Variants in TACC2 observed in about 807,000 individuals in gnomAD.
The protein encoded by TACC2 is transforming acidic coiled-coil-containing protein 2.
A neutral mutation model predicts 227.3 loss-of-function variants in TACC2; 137 were observed. The ratio of observed to expected loss-of-function variants is 0.60; its 90% CI spans 0.52 to 0.69. The LOEUF is 0.69. Ranked by LOEUF, TACC2 falls within the 30% of genes least tolerant of loss-of-function variation. TACC2 has a pLI of 0.00. For missense variants in TACC2, 3,470 were observed against 3,694.4 expected (o/e 0.94, Z 1.57); for synonymous variants, 1,523 against 1,487.5 (o/e 1.02, Z -0.55).
At chr10:122,126,269 A>G (rs1352862405) in intron 5 of TACC2, among the ~76,000 whole-genome samples, 3 of 150,082 alleles carry the variant, frequency 2.0e-5, no homozygotes, top group Non-Finnish European at 4.4e-5. Context: ...TTAGGTCTAA[A>G]TGGATTCATA....
Position 122,086,754 on chromosome 10 carries a change from G to A in TACC2, c.4254G>A (p.Lys1418=). The A allele has an allele frequency of 1.2e-6, 2 of 1,613,982 alleles. No homozygotes were observed. The highest frequency in any genetic ancestry group is 1.7e-6 in the Non-Finnish European group (2 of 1,179,992). The change falls in exon 4 of 23, where the codon AAG becomes AAA. Residue 1418 remains lysine (K), a synonymous_variant. Coordinates refer to ENST00000369005, the MANE Select transcript of TACC2 (RefSeq NM_206862.4). ...FREHIAKIFE[K]PVLGALATPG... is the part of the protein sequence containing the mutation. Reference sequence around the variant, plus strand: ...AGCACATCGCCAAGATCTTCGAGAAGCCTGTGCTCGGAGCCCTGGCCACAC... The same window carrying A: ...AGCACATCGCCAAGATCTTCGAGAAACCTGTGCTCGGAGCCCTGGCCACAC...
In TACC2 at chr10:122,210,305, C is replaced by G; in HGVS notation, c.5972-92C>G. On this transcript the variant is annotated intron_variant, in intron 8 of 22. Coordinates refer to ENST00000369005, the MANE Select transcript of TACC2 (RefSeq NM_206862.4). This position sits in a 1 kb window ranked among gnomAD's most constrained non-coding sequence, Gnocchi z 4.6. The stretch of plus-strand genomic sequence containing the variant: ...GGCCTGGGGCCGTGGTTTGTCAACC[C>G]CTACGCTGGAGGGTGATGTTTTGGT... 1 of 1,050,820 alleles carries G rather than the reference C, an allele frequency of 9.5e-7. No homozygotes were observed. The highest frequency in any genetic ancestry group is 2.5e-5 in the East Asian group (1 of 40,702). 65.1% of individuals were successfully genotyped at this position (1,050,820 alleles called of 1,614,324 possible).
chr10:122,230,933 C>G (rs2095730743), intron 16 of TACC2, among the ~76,000 whole-genome samples: 1 of 152,210 alleles, frequency 6.6e-6, no homozygotes, highest in Non-Finnish European at 1.5e-5. Flanking sequence ...GAAACCAAGA[C>G]ATTTGATAAT....
chr10:122,186,509 GTTTA>G lies in TACC2; in HGVS notation c.5835-8515_5835-8512del, dbSNP rs761569973. On this transcript the variant is annotated intron_variant, in intron 7 of 22. Transcript: ENST00000369005. ...CTCAGTCTCTGGGGGGATAAAATGA[GTTTA>G]TTTATTTATTTATTTTTTGAAACAG... 4.5e-4 allele frequency among the ~76,000 whole-genome samples: 68 copies of G among 152,110 alleles called. 2 individuals are homozygous for G. The highest frequency in any genetic ancestry group is 1.9e-3 in the Admixed American group (29 of 15,274).
chr10:122,235,927 C>T (rs1310317099), intron 16 of TACC2, among the ~76,000 whole-genome samples: 1 of 152,108 alleles, frequency 6.6e-6, no homozygotes, highest in Non-Finnish European at 1.5e-5. Flanking sequence ...TCAGGGTCAC[C>T]CCAAGTATGC....
At chr10:122,190,298 CT>C (rs1308135667) in intron 7 of TACC2, among the ~76,000 whole-genome samples, 4 of 152,204 alleles carry the variant, frequency 2.6e-5, no homozygotes, top group Non-Finnish European at 5.9e-5. Context: ...CTGACTCTTG[CT>C]TTGGGGCCAA....
chr10:122,009,979 AT>A (rs1219439175), intron 1 of TACC2, among the ~76,000 whole-genome samples: 5 of 152,216 alleles, frequency 3.3e-5, no homozygotes, highest in African/African-American at 1.2e-4. Context: ...AATTTAAATA[AT>A]AAAGTAGCCT....
chr10:122,026,652 C>T (rs1175796263), intron 2 of TACC2, among the ~76,000 whole-genome samples: 5 of 150,948 alleles, frequency 3.3e-5, no homozygotes, highest in African/African-American at 1.2e-4. Flanking sequence ...CCTCTCAATC[C>T]CTGGCAACCA....
chr10:122,228,206 G>T (rs571105721), intron 14 of TACC2, among the ~76,000 whole-genome samples, 198 bp downstream of exon 14: 1 of 152,228 alleles, frequency 6.6e-6, no homozygotes, highest in Non-Finnish European at 1.5e-5. Context: ...ATTCCCACCA[G>T]TATGGTTTTG....
At chr10:122,033,542 C>T (rs1040547759) in intron 2 of TACC2, among the ~76,000 whole-genome samples, 10 of 152,168 alleles carry the variant, frequency 6.6e-5, no homozygotes, top group East Asian at 1.9e-4. Flanking sequence ...CTACCTTTGC[C>T]GCCTGTGAGC....
intron 5 of TACC2, among the ~76,000 whole-genome samples, chr10:122,098,034 T>TTAGG (rs1357175279): frequency 2.6e-5 from 4 of 151,656 alleles, no homozygotes; most frequent in Non-Finnish European, 4.4e-5. Context: ...GGGTAAATGG[T>TTAGG]TAGGTGGGTA....
At chr10:122,219,543 C>T (rs982673162) in intron 11 of TACC2, among the ~76,000 whole-genome samples, 3 of 152,168 alleles carry the variant, frequency 2.0e-5, no homozygotes, top group Admixed American at 2.0e-4. Context: ...GTAATGTCAG[C>T]TCAGCAATTT....
intron 3 of TACC2, among the ~76,000 whole-genome samples, chr10:122,065,536 T>C (rs1035289543): frequency 6.6e-6 from 1 of 152,238 alleles, no homozygotes; most frequent in African/African-American, 2.4e-5. Context: ...GCACAGAATA[T>C]GGTCTCCCTT....
intron 7 of TACC2, among the ~76,000 whole-genome samples, chr10:122,186,862 C>T (rs1275972421): frequency 6.6e-6 from 1 of 152,174 alleles, no homozygotes; most frequent in Non-Finnish European, 1.5e-5. Context: ...AGTTTAGCTA[C>T]AAAGAGATTT....
At chr10:122,020,121 A>G (rs1163413176) in intron 1 of TACC2, among the ~76,000 whole-genome samples, 1 of 152,218 alleles carries the variant, frequency 6.6e-6, no homozygotes, top group South Asian at 2.1e-4. Flanking sequence ...AATGATTGTC[A>G]CAAATTAATA....
chr10:122,117,039 T>C lies in TACC2; in HGVS notation c.5574-15570T>C, dbSNP rs552352213. On this transcript the variant is annotated intron_variant, in intron 5 of 22. Coordinates refer to ENST00000369005, the MANE Select transcript of TACC2 (RefSeq NM_206862.4). ...ATCATTAATACTTTTATTGTAATGATTTAAATTTGTTACAGTATTTCATAT... is the reference window on the plus strand; with the variant it reads ...ATCATTAATACTTTTATTGTAATGACTTAAATTTGTTACAGTATTTCATAT... 2.0e-5 allele frequency among the ~76,000 whole-genome samples: 3 copies of C among 152,234 alleles called. No homozygotes were observed. In the East Asian group the frequency reaches 5.8e-4, roughly 29 times the overall value.
chr10:122,085,196 C>G lies in TACC2; in HGVS notation c.2696C>G (p.Ser899Ter). 4 of 1,614,052 alleles carry G rather than the reference C, an allele frequency of 2.5e-6. No individual in the cohort carries two copies. The highest frequency in any genetic ancestry group is 8.5e-7 in the Non-Finnish European group (1 of 1,180,028). The change falls in exon 4 of 23, where the codon TCA becomes TGA. Residue 899 changes from serine to a stop codon, truncating the protein, a stop_gained. Transcript: ENST00000369005. LOFTEE classifies it high-confidence loss of function. ...GGAGGACAGGAGCAGGCTTTGGGAT[C>G]AGAACTTCAAAGTCAGCTCCCCAAA... ...THGGQEQALG[S>*]ELQSQLPKGT...
In TACC2 at chr10:121,989,223, C is replaced by T. The variant is rs1010580459; in HGVS notation, c.-311C>T. ...AGAGAAGAAACGCAAATCCCAGAAC[C>T]GTGCCAACATATAAAACCCCACATT... On this transcript the variant is annotated 5_prime_UTR_variant, in exon 1 of 23. Coordinates refer to ENST00000369005, the MANE Select transcript of TACC2 (RefSeq NM_206862.4). The T allele has an allele frequency of 1.3e-5, 2 of 152,262 alleles. No homozygotes were observed. The highest frequency in any genetic ancestry group is 2.1e-4 in the South Asian group (1 of 4,832). The allele number at this position is 152,262 out of a possible 1,614,324, so 9.4% of individuals were successfully genotyped here.
intron 7 of TACC2, among the ~76,000 whole-genome samples, chr10:122,187,208 A>T (rs1175265337): frequency 6.6e-6 from 1 of 152,230 alleles, no homozygotes; most frequent in African/African-American, 2.4e-5. Flanking sequence ...CCACATGGGC[A>T]CAGTGCCACA....
Sources: gnomAD v4.1 joint callset for allele counts (sites outside exome capture counted in the v4.1 genomes callset) on GRCh38, gnomAD v4.1.1 for gene constraint, Gnocchi (gnomAD v3.1) non-coding constraint, MANE v1.5 for transcripts, NCBI Gene and HGNC (gene_info 2026-07-23, HGNC 2026-07-21) for gene names.